Variants in SV2C observed in about 807,000 individuals in gnomAD.
The protein encoded by SV2C is solute carrier family 22 member B3.
A neutral mutation model predicts 79.7 loss-of-function variants in SV2C; 49 were observed. That is an observed-to-expected ratio of 0.61 (90% CI 0.49 to 0.78). SV2C has a LOEUF of 0.78. Among genes scored for constraint, SV2C ranks in the 30% least tolerant of loss-of-function variants. The probability of loss-of-function intolerance (pLI) is 0.00; values close to 1 mark genes in which losing one functional copy is unlikely to be tolerated. For synonymous variants in SV2C, 334 were observed against 333.2 expected (o/e 1.00, Z -0.03); for missense variants, 833 against 912.9 (o/e 0.91, Z 1.13).
At chr5:76,233,361 G>A (rs1401973495) in intron 4 of SV2C, among the ~76,000 whole-genome samples, 2 of 140,332 alleles carry the variant, frequency 1.4e-5, no homozygotes. Flanking sequence ...GGGTTTTCTA[G>A]ATATACAATC....
chr5:76,136,126 T>C (rs1057224943), intron 2 of SV2C, among the ~76,000 whole-genome samples: 3 of 152,226 alleles, frequency 2.0e-5, no homozygotes, highest in Admixed American at 1.3e-4. Context: ...ACAAAATAGA[T>C]GCAAAGCAAC....
chr5:75,966,727 T>A, the SV2C span, among the ~76,000 whole-genome samples: 1 of 152,222 alleles, frequency 6.6e-6, no homozygotes, highest in Non-Finnish European at 1.5e-5. Context: ...CACTCTTCTG[T>A]ACTCTGACAC....
chr5:76,160,654 G>C (rs748192781), intron 2 of SV2C, among the ~76,000 whole-genome samples: 13 of 152,132 alleles, frequency 8.5e-5, no homozygotes, highest in Non-Finnish European at 1.5e-4. Flanking sequence ...TCTGATAAGA[G>C]AATTGTATCC....
chr5:76,290,845 T>C (rs1747538139), intron 6 of SV2C, among the ~76,000 whole-genome samples: 1 of 152,190 alleles, frequency 6.6e-6, no homozygotes, highest in South Asian at 2.1e-4. Context: ...AAGAAAAAAA[T>C]GTGTAGACTC....
At chr5:75,987,946 T>A in the SV2C span, among the ~76,000 whole-genome samples, 1 of 152,054 alleles carries the variant, frequency 6.6e-6, no homozygotes, top group African/African-American at 2.4e-5. Flanking sequence ...ATTTAAATGT[T>A]ACCTGCATTA....
At chr5:76,044,448 A>G in the SV2C span, among the ~76,000 whole-genome samples, 294 of 152,296 alleles carry the variant, frequency 1.9e-3, no homozygotes, top group Non-Finnish European at 2.7e-3. Context: ...GCTGGGTCAA[A>G]TGGTATTTCT....
chr5:75,873,496 C>T, the SV2C span, among the ~76,000 whole-genome samples: 1 of 152,078 alleles, frequency 6.6e-6, no homozygotes, highest in East Asian at 1.9e-4. Flanking sequence ...TCTTTCTGGA[C>T]ATCTATTTGG....
intron 4 of SV2C, among the ~76,000 whole-genome samples, chr5:76,222,941 T>C (rs1745111425): frequency 6.6e-6 from 1 of 152,188 alleles, no homozygotes; most frequent in South Asian, 2.1e-4. Flanking sequence ...CATTTGATCC[T>C]TGTTTCTTCA....
At chr5:75,973,483 A>C in the SV2C span, among the ~76,000 whole-genome samples, 1 of 151,630 alleles carries the variant, frequency 6.6e-6, no homozygotes, top group Admixed American at 6.6e-5. Context: ...TGACAGAGCA[A>C]GACTGCCTCA....
At chr5:76,007,335 C>A in the SV2C span, among the ~76,000 whole-genome samples, 2 of 151,930 alleles carry the variant, frequency 1.3e-5, no homozygotes, top group African/African-American at 4.8e-5. Flanking sequence ...GGCATTTGAA[C>A]GCAAACAGAC....
the SV2C span, among the ~76,000 whole-genome samples, chr5:75,850,295 A>C: frequency 1.3e-5 from 2 of 152,192 alleles, no homozygotes; most frequent in Admixed American, 1.3e-4. Flanking sequence ...TAAAATGTAT[A>C]CACACACCGT....
the SV2C span, among the ~76,000 whole-genome samples, chr5:75,999,075 G>A: frequency 1.3e-5 from 2 of 151,952 alleles, no homozygotes; most frequent in African/African-American, 2.4e-5. Context: ...ATTAGAGAAC[G>A]TGTGCAAGGG....
intron 2 of SV2C, among the ~76,000 whole-genome samples, chr5:76,150,204 T>TTC (rs200655597): frequency 2.4e-5 from 3 of 127,476 alleles, no homozygotes; most frequent in South Asian, 2.6e-4. Context: ...ATATCTTTTT[T>TTC]TTTTTTTTTT....
intron 1 of SV2C, among the ~76,000 whole-genome samples, chr5:76,097,686 A>G (rs1311679277): frequency 6.6e-6 from 1 of 152,188 alleles, no homozygotes; most frequent in Non-Finnish European, 1.5e-5. Flanking sequence ...AATATGTGTT[A>G]TTACTAGGTG....
chr5:76,173,911 G>A (rs768033481), intron 2 of SV2C: 12 of 1,590,868 alleles, frequency 7.5e-6, no homozygotes, highest in South Asian at 1.1e-5. Flanking sequence ...CTTGTAAATC[G>A]TTAAATGTGG....
At chr5:76,219,329 G>A (rs895353447) in intron 4 of SV2C, among the ~76,000 whole-genome samples, 10 of 152,018 alleles carry the variant, frequency 6.6e-5, no homozygotes, top group East Asian at 5.8e-4. Context: ...TTATCTCAAC[G>A]AAAGAACCCT....
chr5:76,242,017 A>G (rs1321045301), intron 4 of SV2C: 2 of 1,368,222 alleles, frequency 1.5e-6, no homozygotes, highest in Non-Finnish European at 2.1e-6. Flanking sequence ...TCAAAAATGC[A>G]CACACTTCAC....
At chr5:75,943,756 C>G in the SV2C span, among the ~76,000 whole-genome samples, 6 of 152,126 alleles carry the variant, frequency 3.9e-5, no homozygotes, top group Non-Finnish European at 8.8e-5. Context: ...ACACCATGCT[C>G]AGGGCCTCCT....
chr5:75,859,035 C>A, the SV2C span, among the ~76,000 whole-genome samples: 1 of 151,424 alleles, frequency 6.6e-6, no homozygotes, highest in South Asian at 2.1e-4. Context: ...TTCCAAAGAA[C>A]CATTTTTTCT....
Sources: gnomAD v4.1 joint callset for allele counts (sites outside exome capture counted in the v4.1 genomes callset) on GRCh38, gnomAD v4.1.1 for gene constraint, MANE v1.5 for transcripts, NCBI Gene and HGNC (gene_info 2026-07-23, HGNC 2026-07-21) for gene names.